Variants in CTBP2 observed in about 807,000 individuals in gnomAD.
The protein encoded by CTBP2 is C-terminal binding protein 2, also known as C-terminal-binding protein 2.
In CTBP2, 30 loss-of-function variants were observed where a neutral mutation model predicts 80.3. The ratio of observed to expected loss-of-function variants is 0.37; its 90% confidence interval spans 0.28 to 0.51. CTBP2 has a LOEUF of 0.51. Among genes scored for constraint, CTBP2 ranks in the 20% least tolerant of loss-of-function variants. The probability of loss-of-function intolerance (pLI) is 0.93; values close to 1 mark genes in which losing one functional copy is unlikely to be tolerated. For synonymous variants in CTBP2, 594 were observed against 587.4 expected (o/e 1.01, Z -0.16); for missense variants, 1,212 against 1,375.3 (o/e 0.88, Z 1.88).
At chr10:124,991,011 A>G (rs1285683820) in intron 8 of CTBP2, among the ~76,000 whole-genome samples, 3 of 152,208 alleles carry the variant, frequency 2.0e-5, no homozygotes, top group Non-Finnish European at 4.4e-5. Context: ...GGTTGGCTAT[A>G]TACTCCCATG....
At chr10:125,004,265 G>A (rs1954935758) in intron 1 of CTBP2, among the ~76,000 whole-genome samples, 1 of 152,190 alleles carries the variant, frequency 6.6e-6, no homozygotes, top group South Asian at 2.1e-4. Context: ...CAGCAGGGTG[G>A]TGGAAGGCCT....
At position 125,123,995 on chromosome 10, in the gene CTBP2, C is replaced by T. The variant is rs180827900; in HGVS notation, c.-205-12902G>A. ...GGTAACAACTTCAGGACTCCCTGAC[C>T]CAGTCTGGCTAAATCGAAACTACAG... On this transcript the variant is annotated intron_variant, in intron 1 of 10. Coordinates refer to the CTBP2 transcript ENST00000337195. Among the ~76,000 whole-genome samples the T allele has an allele frequency of 1.6e-3, 240 of 152,370 alleles. 1 individual carries two copies. Among genetic ancestry groups the T allele is most frequent in the African/African-American group, 5.6e-3 (232 of 41,594 alleles).
At chr10:124,998,396 T>C (rs1953955847) in intron 3 of CTBP2, 1 of 581,192 alleles carries the variant, frequency 1.7e-6, no homozygotes, top group African/African-American at 1.9e-5. Context: ...GGAGGACTTT[T>C]GCTCCAGGAC....
At chr10:125,128,021 C>T (rs749375209) in intron 1 of CTBP2, among the ~76,000 whole-genome samples, 3 of 152,168 alleles carry the variant, frequency 2.0e-5, no homozygotes, top group African/African-American at 7.2e-5. Flanking sequence ...AAACATGCTT[C>T]TAAAAGTAAT....
At chr10:125,148,098 C>T (rs905300341) in intron 1 of CTBP2, among the ~76,000 whole-genome samples, 4 of 152,186 alleles carry the variant, frequency 2.6e-5, no homozygotes, top group Admixed American at 6.5e-5. Context: ...CTTTGCCACA[C>T]TTCCTTGTTT....
intron 2 of CTBP2, among the ~76,000 whole-genome samples, chr10:125,102,447 C>T (rs1362166246): frequency 6.6e-6 from 1 of 152,244 alleles, no homozygotes; most frequent in Non-Finnish European, 1.5e-5. Flanking sequence ...TCTGTTTAAA[C>T]ACACAGGCAG....
upstream of CTBP2, among the ~76,000 whole-genome samples, chr10:125,028,832 G>C (rs747457107): frequency 3.9e-5 from 6 of 152,248 alleles, no homozygotes; most frequent in Admixed American, 6.5e-5. Context: ...AGATCCTGCA[G>C]ATGCTTTTCC....
chr10:125,144,955 A>G (rs1228019232), intron 1 of CTBP2, among the ~76,000 whole-genome samples: 2 of 152,202 alleles, frequency 1.3e-5, no homozygotes, highest in Non-Finnish European at 2.9e-5. Context: ...ACTAGCTCCA[A>G]TTTTATCAGA....
intron 2 of CTBP2, among the ~76,000 whole-genome samples, chr10:125,098,617 G>GGGGCT (rs1000460228): frequency 1.4e-4 from 21 of 148,000 alleles, no homozygotes; most frequent in Non-Finnish European, 3.1e-4. Flanking sequence ...GACGCAGCCT[G>GGGGCT]GGGCTGCTGC....
intron 2 of CTBP2, among the ~76,000 whole-genome samples, chr10:125,094,312 T>G (rs950639387): frequency 2.6e-5 from 4 of 152,148 alleles, no homozygotes; most frequent in Non-Finnish European, 5.9e-5. Context: ...TCAAATGCAC[T>G]GTCATGAACA....
At chr10:125,073,932 C>A (rs142488986) in intron 2 of CTBP2, among the ~76,000 whole-genome samples, 3 of 152,164 alleles carry the variant, frequency 2.0e-5, no homozygotes, top group South Asian at 4.1e-4. Context: ...ACGGCCCAGG[C>A]GTGGAAACCG....
At chr10:125,108,984 G>A (rs778114581) in intron 2 of CTBP2, among the ~76,000 whole-genome samples, 1 of 152,258 alleles carries the variant, frequency 6.6e-6, no homozygotes, top group Non-Finnish European at 1.5e-5. Flanking sequence ...CAGGAAGCGT[G>A]TCACAATTTC....
Position 125,118,242 on chromosome 10 carries a change from A to C in CTBP2, c.-205-7149T>G, listed in dbSNP as rs539250360. Among the ~76,000 whole-genome samples the C allele has an allele frequency of 2.6e-5, 4 of 152,302 alleles. No homozygotes were observed. The South Asian group carries it at 8.3e-4, about 32-fold the overall frequency. Reference sequence around the variant, plus strand: ...CTAGATGACAGGGCCAACGGACTTGAGACGAGCTGGGTGACAAGGAGGAAC... The same window carrying C: ...CTAGATGACAGGGCCAACGGACTTGCGACGAGCTGGGTGACAAGGAGGAAC... On this transcript the variant is annotated intron_variant, in intron 1 of 10. Coordinates refer to the CTBP2 transcript ENST00000337195.
intron 2 of CTBP2, among the ~76,000 whole-genome samples, chr10:125,052,283 C>T (rs1378530815): frequency 2.0e-5 from 3 of 152,182 alleles, no homozygotes; most frequent in South Asian, 2.1e-4. Flanking sequence ...CCTCCAATCT[C>T]GCCCCAGACA....
chr10:125,037,470 C>T (rs1402752059), intron 3 of CTBP2, among the ~76,000 whole-genome samples: 1 of 152,154 alleles, frequency 6.6e-6, no homozygotes, highest in Non-Finnish European at 1.5e-5. Context: ...CAGTGGAAGT[C>T]AAGAGTAAAT....
chr10:125,130,503 T>C (rs1433041326), intron 1 of CTBP2, among the ~76,000 whole-genome samples: 1 of 152,232 alleles, frequency 6.6e-6, no homozygotes, highest in African/African-American at 2.4e-5. Flanking sequence ...TGTTAAATGC[T>C]GTGTCCTATA....
chr10:124,991,645 G>A (rs1952634164), intron 8 of CTBP2, among the ~76,000 whole-genome samples: 1 of 152,154 alleles, frequency 6.6e-6, no homozygotes, highest in Non-Finnish European at 1.5e-5. Context: ...TCATGAGTGG[G>A]AGTGGGAGGT....
At chr10:125,057,433 CCGAGCTA>C (rs1564817995) in intron 2 of CTBP2, among the ~76,000 whole-genome samples, 1 of 152,192 alleles carries the variant, frequency 6.6e-6, no homozygotes, top group Non-Finnish European at 1.5e-5. Context: ...AGGCCAAACC[CCGAGCTA>C]TGAAATCCGT....
intron 2 of CTBP2, 93 bp from the exon 5 acceptor site, chr10:125,003,197 C>G: frequency 1.9e-6 from 3 of 1,593,662 alleles, no homozygotes; most frequent in Non-Finnish European, 2.6e-6. Flanking sequence ...ACCCTTGAAC[C>G]TGAGGCAGAG....
Sources: allele counts gnomAD v4.1 joint callset (sites outside exome capture counted in the v4.1 genomes callset), GRCh38; gene constraint gnomAD v4.1.1; transcripts MANE v1.5; gene names NCBI Gene and HGNC (gene_info 2026-07-23, HGNC 2026-07-21).